Variants in TMEM30A observed in about 807,000 individuals in gnomAD.
TMEM30A encodes the protein cell division cycle 50 P4-ATPase accessory subunit A, also known as cell cycle control protein 50A.
A neutral mutation model predicts 38.2 loss-of-function variants in TMEM30A; 24 were observed. The ratio of observed to expected loss-of-function variants is 0.63; its 90% CI spans 0.46 to 0.88. TMEM30A has a LOEUF of 0.88. TMEM30A is among the 40% of genes least tolerant of loss of function. The pLI is 0.00. For synonymous variants in TMEM30A, 145 were observed against 161.6 expected (o/e 0.90, Z 0.78); for missense variants, 370 against 458.6 (o/e 0.81, Z 1.77).
At chr6:75,284,095 A>C in intron 1 of TMEM30A, 2 of 385,024 alleles carry the variant, frequency 5.2e-6, no homozygotes, top group Non-Finnish European at 9.7e-6. Flanking sequence ...GGAACCACAC[A>C]AACCGCCCAC....
At position 75,256,314 on chromosome 6, in the gene TMEM30A, G is replaced by A; in HGVS notation, c.893-19C>T. On this transcript the variant is annotated intron_variant, in intron 6 of 6. Coordinates refer to ENST00000230461, the MANE Select transcript of TMEM30A (RefSeq NM_018247.4). ...GGGTAATCTGAAGAGGGTATAGGAA[G>A]ATTTTTCCATCTCTGGTTACTTGAT... 1 of 1,570,420 alleles carries A rather than the reference G, an allele frequency of 6.4e-7. No individual in the cohort carries two copies. The highest frequency in any genetic ancestry group is 8.6e-7 in the Non-Finnish European group (1 of 1,156,766).
rs1582274736 is a variant in TMEM30A at position 75,259,473 on chromosome 6, G to A, written c.559C>T (p.Leu187Phe). The A allele has an allele frequency of 6.2e-7, 1 of 1,605,730 alleles. No homozygotes were observed. Among genetic ancestry groups the A allele is most frequent in the Admixed American group, 1.7e-5 (1 of 58,204 alleles). Reference protein sequence around the residue: ...SMFNDTLELFLIGNDSYPIPI... With the variant: ...SMFNDTLELFFIGNDSYPIPI... Reference sequence around the variant, plus strand: ...ATAGGATAAGAATCATTGCCAATGAGAAACAATTCTAATGTATCTAAACAC... The same window carrying A: ...ATAGGATAAGAATCATTGCCAATGAAAAACAATTCTAATGTATCTAAACAC... Residue 187 changes from leucine to phenylalanine, a missense_variant, in exon 5 of 7, where the codon CTC (leucine) becomes TTC (phenylalanine). Physicochemically the swap from Leu to Phe is conservative, Grantham distance 22 (BLOSUM62 0). Coordinates refer to ENST00000230461, the MANE Select transcript of TMEM30A (RefSeq NM_018247.4).
chr6:75,278,167 T>C (rs1206351800), intron 1 of TMEM30A, among the ~76,000 whole-genome samples: 1 of 152,194 alleles, frequency 6.6e-6, no homozygotes, highest in East Asian at 1.9e-4. Context: ...AATATAAAAA[T>C]GCAAACATTA....
chr6:75,269,497 T>C (rs940851152), intron 1 of TMEM30A, among the ~76,000 whole-genome samples: 4 of 152,248 alleles, frequency 2.6e-5, no homozygotes, highest in Non-Finnish European at 5.9e-5. Flanking sequence ...TAGCAATAAA[T>C]AATATCCACT....
intron 1 of TMEM30A, among the ~76,000 whole-genome samples, chr6:75,276,816 A>C (rs568827436): frequency 6.6e-6 from 1 of 152,184 alleles, no homozygotes; most frequent in South Asian, 2.1e-4. Flanking sequence ...AATACTTCCC[A>C]ATACCCTCAT....
At chr6:75,277,150 T>C (rs977442156) in intron 1 of TMEM30A, among the ~76,000 whole-genome samples, 1 of 152,086 alleles carries the variant, frequency 6.6e-6, no homozygotes, top group Non-Finnish European at 1.5e-5. Flanking sequence ...GGAATGGACA[T>C]TGGCAATAAG....
In TMEM30A at chr6:75,264,085, A is replaced by G. The variant is rs73750962; in HGVS notation, c.453+1146T>C. Reference sequence around the variant, plus strand: ...AATAAACCCCACATAGATTCAAAATATCATAGGCCTAACCAGAACCCTGTG... The same window carrying G: ...AATAAACCCCACATAGATTCAAAATGTCATAGGCCTAACCAGAACCCTGTG... On this transcript the variant is annotated intron_variant, in intron 3 of 6. Coordinates refer to ENST00000230461, the MANE Select transcript of TMEM30A (RefSeq NM_018247.4). Among the ~76,000 whole-genome samples, 1,196 of 152,336 alleles carry G rather than the reference A, an allele frequency of 7.9e-3. 15 individuals carry two copies. The highest frequency in any genetic ancestry group is 0.028 in the African/African-American group (1,144 of 41,570).
Position 75,258,898 on chromosome 6 carries a change from A to G in TMEM30A, c.774T>C (p.Ile258=), listed in dbSNP as rs575086612. ...DNNGFINEDF[I]VWMRTAALPT... ...GTAATGCTGCAGTACGCATCCAAAC[A>G]ATAAAATCCTCATTTATGAATCCAT... The change falls in exon 6 of 7, where the codon ATT becomes ATC. Residue 258 remains isoleucine (I), a synonymous_variant. Transcript: ENST00000230461. 4 of 1,614,010 alleles carry G rather than the reference A, an allele frequency of 2.5e-6. No individual in the cohort carries two copies. In the South Asian group the frequency reaches 3.3e-5, roughly 13 times the overall value.
At chr6:75,275,464 C>T (rs886407640) in intron 1 of TMEM30A, among the ~76,000 whole-genome samples, 1 of 152,076 alleles carries the variant, frequency 6.6e-6, no homozygotes, top group Non-Finnish European at 1.5e-5. Context: ...TATTCTGCTT[C>T]CCCCACCACA....
At chr6:75,276,583 A>G (rs1286721184) in intron 1 of TMEM30A, among the ~76,000 whole-genome samples, 4 of 151,978 alleles carry the variant, frequency 2.6e-5, no homozygotes, top group Non-Finnish European at 5.9e-5. Context: ...AGAAGTGTTG[A>G]GTGGTGTGCG....
Position 75,255,920 on chromosome 6 carries a change from C to T in TMEM30A, c.*182G>A. 4.0e-6 allele frequency: 2 copies of T among 500,806 alleles called. No individual in the cohort carries two copies. The highest frequency in any genetic ancestry group is 7.1e-5 in the South Asian group (2 of 28,252). 31.0% of individuals were successfully genotyped at this position (500,806 alleles called of 1,614,324 possible). On this transcript the variant is annotated 3_prime_UTR_variant, in exon 7 of 7. Coordinates refer to ENST00000230461, the MANE Select transcript of TMEM30A (RefSeq NM_018247.4). ...GATCAATATAGCTAATTTTTTTATA[C>T]CCGTCATATATTTTTAGAAGTCATC...
chr6:75,282,003 T>TA (rs1448163875), intron 1 of TMEM30A, among the ~76,000 whole-genome samples: 3 of 152,230 alleles, frequency 2.0e-5, no homozygotes, highest in Non-Finnish European at 4.4e-5. Flanking sequence ...TCAGTGTCAG[T>TA]AAAAAATTCC....
At chr6:75,283,209 T>C (rs1772389498) in intron 1 of TMEM30A, among the ~76,000 whole-genome samples, 2 of 152,164 alleles carry the variant, frequency 1.3e-5, no homozygotes, top group South Asian at 2.1e-4. Flanking sequence ...CTTTTAGAGA[T>C]AACACTGCAA....
intron 6 of TMEM30A, among the ~76,000 whole-genome samples, chr6:75,256,606 A>C (rs1771871930): frequency 6.6e-6 from 1 of 152,130 alleles, no homozygotes; most frequent in South Asian, 2.1e-4. Context: ...AAGGAATGCA[A>C]TGTGAAAAAA....
chr6:75,259,579 T>G (rs554056214), intron 4 of TMEM30A, 89 bp from the exon 5 acceptor site: 4 of 1,235,760 alleles, frequency 3.2e-6, no homozygotes, highest in Non-Finnish European at 4.4e-6. Flanking sequence ...GACCTGATAT[T>G]TGTTTCCAAA....
chr6:75,274,339 AAAG>A (rs1408923325), intron 1 of TMEM30A, among the ~76,000 whole-genome samples: 1 of 152,216 alleles, frequency 6.6e-6, no homozygotes, highest in Non-Finnish European at 1.5e-5. Flanking sequence ...CACTCTATGT[AAAG>A]GGGTTTGAAC....
rs909609314 is a variant in TMEM30A, at chr6:75,253,838, A to C, written c.*2264T>G. 2 of 152,452 alleles carry C rather than the reference A, an allele frequency of 1.3e-5. No individual in the cohort carries two copies. The highest frequency in any genetic ancestry group is 2.9e-5 in the Non-Finnish European group (2 of 68,018). The allele number at this position is 152,452 out of a possible 1,614,324, so 9.4% of individuals were successfully genotyped here. On this transcript the variant is annotated 3_prime_UTR_variant, in exon 7 of 7. Coordinates refer to ENST00000230461, the MANE Select transcript of TMEM30A (RefSeq NM_018247.4). Reference sequence around the variant, plus strand: ...GAAATTTCTTAGCTTTTACTTGTTGAATAATTTTTTCAATTGGGAATCTTT... The same window carrying C: ...GAAATTTCTTAGCTTTTACTTGTTGCATAATTTTTTCAATTGGGAATCTTT...
chr6:75,264,708 C>G (rs760962643), intron 3 of TMEM30A, among the ~76,000 whole-genome samples: 4 of 151,928 alleles, frequency 2.6e-5, no homozygotes, highest in Non-Finnish European at 5.9e-5. Flanking sequence ...AACTGAAGAA[C>G]AGTAAAGAAA....
At chr6:75,281,946 C>T (rs1221256193) in intron 1 of TMEM30A, among the ~76,000 whole-genome samples, 3 of 152,142 alleles carry the variant, frequency 2.0e-5, no homozygotes, top group Non-Finnish European at 4.4e-5. Flanking sequence ...CATTTAGCAT[C>T]CAAACTTTAA....
Sources: gnomAD v4.1 joint callset for allele counts (sites outside exome capture counted in the v4.1 genomes callset) on GRCh38, gnomAD v4.1.1 for gene constraint, MANE v1.5 for transcripts, NCBI Gene and HGNC (gene_info 2026-07-23, HGNC 2026-07-21) for gene names.